Variants in TMEFF2 observed in about 807,000 individuals in gnomAD.
The protein encoded by TMEFF2 is tomoregulin-2.
TMEFF2 carries 28 observed loss-of-function variants against 53.8 expected under a neutral mutation model. That is an observed-to-expected ratio of 0.52 (90% CI 0.39 to 0.71). The LOEUF (loss-of-function observed/expected upper bound fraction) is 0.71. Among genes scored for constraint, TMEFF2 ranks in the 30% least tolerant of loss-of-function variants. The pLI, the probability that TMEFF2 is intolerant of heterozygous loss-of-function variation, is 0.00. For missense variants in TMEFF2, 353 were observed against 455.2 expected (o/e 0.78, Z 2.04); for synonymous variants, 162 against 166.3 (o/e 0.97, Z 0.20).
intron 4 of TMEFF2, among the ~76,000 whole-genome samples, chr2:192,087,740 C>T (rs988857023): frequency 2.0e-5 from 3 of 152,122 alleles, no homozygotes; most frequent in African/African-American, 7.2e-5. Context: ...GACAAATGCT[C>T]TTCTGAGGAA....
At chr2:192,100,332 C>G (rs1689005830) in intron 4 of TMEFF2, among the ~76,000 whole-genome samples, 1 of 152,094 alleles carries the variant, frequency 6.6e-6, no homozygotes, top group South Asian at 2.1e-4. Flanking sequence ...CCTGGGCTTT[C>G]AGGAAAGTTT....
chr2:191,977,747 C>A (rs1030443230), intron 7 of TMEFF2, among the ~76,000 whole-genome samples: 2 of 152,166 alleles, frequency 1.3e-5, no homozygotes, highest in Admixed American at 6.5e-5. Flanking sequence ...AAGTGTATCT[C>A]ATCTCTTAGA....
intron 4 of TMEFF2, among the ~76,000 whole-genome samples, chr2:192,114,438 T>A (rs2105958855): frequency 6.8e-6 from 1 of 146,444 alleles, no homozygotes; most frequent in African/African-American, 2.5e-5. Flanking sequence ...ACACTGAGAG[T>A]CCTAGCCAAA....
Position 191,950,333 on chromosome 2 carries a change from C to CTTGT in TMEFF2, c.1099_1102dup (p.Arg368AsnfsTer60). 6.2e-7 allele frequency: 1 copy of CTTGT among 1,613,282 alleles called. No homozygotes were observed. The highest frequency in any genetic ancestry group is 8.5e-7 in the Non-Finnish European group (1 of 1,179,628). On this transcript the variant is annotated frameshift_variant, in exon 10 of 10. Transcript: ENST00000272771. LOFTEE classifies it high-confidence loss of function. ...CCTTTAGATTAACCTCGTGGACGCT[C>CTTGT]TTGTTGTATTGTCTGAACTGTAGTG...
At chr2:192,111,789 A>G (rs764482081) in intron 4 of TMEFF2, among the ~76,000 whole-genome samples, 2 of 152,148 alleles carry the variant, frequency 1.3e-5, no homozygotes, top group Non-Finnish European at 2.9e-5. Flanking sequence ...CCCCCCTGCT[A>G]TGTGCAGGCT....
At chr2:192,062,001 C>G (rs1164049568) in intron 4 of TMEFF2, among the ~76,000 whole-genome samples, 1 of 152,084 alleles carries the variant, frequency 6.6e-6, no homozygotes, top group Non-Finnish European at 1.5e-5. Flanking sequence ...TCAGAATAAA[C>G]TTTTTTTCCT....
chr2:192,077,766 A>C (rs1417131586), intron 4 of TMEFF2, among the ~76,000 whole-genome samples: 1 of 151,942 alleles, frequency 6.6e-6, no homozygotes, highest in Non-Finnish European at 1.5e-5. Flanking sequence ...ATGTGTTCAT[A>C]TATACTTGTA....
At chr2:192,077,614 G>C (rs1688462131) in intron 4 of TMEFF2, among the ~76,000 whole-genome samples, 1 of 151,818 alleles carries the variant, frequency 6.6e-6, no homozygotes, top group Admixed American at 6.6e-5. Context: ...TCTACTTCTT[G>C]ATCGTTAAAT....
chr2:191,962,505 C>T (rs1393335361), intron 7 of TMEFF2, among the ~76,000 whole-genome samples: 1 of 152,160 alleles, frequency 6.6e-6, no homozygotes, highest in African/African-American at 2.4e-5. Context: ...CTGAAATATA[C>T]ATAGTAATTT....
intron 4 of TMEFF2, among the ~76,000 whole-genome samples, chr2:192,085,037 G>T (rs1319227450): frequency 1.3e-5 from 2 of 152,134 alleles, no homozygotes; most frequent in Non-Finnish European, 2.9e-5. Flanking sequence ...CAAAGGTTTA[G>T]CTTCTTTTCT....
At chr2:192,076,926 A>G (rs192967018) in intron 4 of TMEFF2, among the ~76,000 whole-genome samples, 1 of 151,612 alleles carries the variant, frequency 6.6e-6, no homozygotes, top group East Asian at 2.0e-4. Flanking sequence ...ACTACATACC[A>G]CCTCCTGCAA....
chr2:192,139,815 GT>G (rs1222436858), intron 4 of TMEFF2, among the ~76,000 whole-genome samples: 1 of 152,114 alleles, frequency 6.6e-6, no homozygotes, highest in Non-Finnish European at 1.5e-5. Context: ...GAGAATGTGG[GT>G]TGAATGCTAG....
intron 4 of TMEFF2, among the ~76,000 whole-genome samples, chr2:192,103,559 C>A (rs1328788326): frequency 6.6e-6 from 1 of 152,072 alleles, no homozygotes; most frequent in Non-Finnish European, 1.5e-5. Flanking sequence ...GCTAATTAGA[C>A]ATTAACGAAA....
intron 2 of TMEFF2, among the ~76,000 whole-genome samples, chr2:192,191,640 C>G (rs1046800119): frequency 6.6e-6 from 1 of 152,058 alleles, no homozygotes; most frequent in Non-Finnish European, 1.5e-5. Flanking sequence ...CTTTGACATC[C>G]CAAAAGCACA....
intron 5 of TMEFF2, among the ~76,000 whole-genome samples, chr2:192,015,787 C>T (rs1274702523): frequency 6.6e-6 from 1 of 152,134 alleles, no homozygotes; most frequent in Non-Finnish European, 1.5e-5. Context: ...TGTCAGGTTA[C>T]TTAAGAGACT....
Position 191,950,155 on chromosome 2 carries a change from A to G in TMEFF2, c.*156T>C, listed in dbSNP as rs1559055966. 7.0e-7 allele frequency: 1 copy of G among 1,430,764 alleles called. No individual in the cohort carries two copies. The highest frequency in any genetic ancestry group is 9.1e-7 in the Non-Finnish European group (1 of 1,095,848). 88.6% of individuals were successfully genotyped at this position (1,430,764 alleles called of 1,614,324 possible). Reference sequence around the variant, plus strand: ...TATACTATTTCAAATATATCCATACATAATCAAATATAGCTGTAGTACATG... The same window carrying G: ...TATACTATTTCAAATATATCCATACGTAATCAAATATAGCTGTAGTACATG... On this transcript the variant is annotated 3_prime_UTR_variant, in exon 10 of 10. Coordinates refer to ENST00000272771, the MANE Select transcript of TMEFF2 (RefSeq NM_016192.4).
intron 4 of TMEFF2, among the ~76,000 whole-genome samples, chr2:192,138,349 C>T (rs979341768): frequency 2.6e-5 from 4 of 152,178 alleles, no homozygotes; most frequent in Non-Finnish European, 5.9e-5. Flanking sequence ...AGGGATAATA[C>T]ATTGCATTGC....
chr2:191,964,408 CTT>C (rs1490720323), intron 7 of TMEFF2, among the ~76,000 whole-genome samples: 2,892 of 81,230 alleles, frequency 0.036, 61 homozygotes, highest in Middle Eastern at 0.062. Context: ...CTCTTTCTTT[CTT>C]TCTTTCTTTC....
At chr2:192,109,250 C>T (rs968351720) in intron 4 of TMEFF2, among the ~76,000 whole-genome samples, 3 of 151,828 alleles carry the variant, frequency 2.0e-5, no homozygotes, top group Non-Finnish European at 4.4e-5. Flanking sequence ...AGTTCATGTA[C>T]TATATTCTTA....
Sources: gnomAD v4.1 joint callset for allele counts (sites outside exome capture counted in the v4.1 genomes callset) on GRCh38, gnomAD v4.1.1 for gene constraint, MANE v1.5 for transcripts, NCBI Gene and HGNC (gene_info 2026-07-23, HGNC 2026-07-21) for gene names.